Variants in ENG observed in about 807,000 individuals in gnomAD.
The protein encoded by ENG is endoglin, also known as CD105 antigen.
In ENG, 17 loss-of-function variants were observed where a neutral mutation model predicts 71.0. That is an observed-to-expected ratio of 0.24 (90% CI 0.16 to 0.36). ENG has a LOEUF of 0.36. ENG is among the 10% of genes least tolerant of loss of function. ENG has a pLI of 1.00. For synonymous variants in ENG, 360 were observed against 366.9 expected (o/e 0.98, Z 0.21); for missense variants, 749 against 868.3 (o/e 0.86, Z 1.73).
At position 127,816,221 on chromosome 9, in the gene ENG, C is replaced by G. The variant is rs1830311400; in HGVS notation, c.1742-168G>C. On this transcript the variant is annotated intron_variant, in intron 13 of 14. Transcript: ENST00000373203. ...GCAAACGGGCTCATCACAGCCAGGC[C>G]TGGCATTGAGCCATGGTTGCTAGGA... is the stretch of plus-strand genomic sequence containing the variant. 10 of 878,242 alleles carry G rather than the reference C, an allele frequency of 1.1e-5. No individual in the cohort carries two copies. The Admixed American group carries it at 2.1e-4, about 18-fold the overall frequency. 54.4% of individuals were successfully genotyped at this position (878,242 alleles called of 1,614,324 possible). A position where few individuals can be genotyped will look rare whatever the true frequency, so the allele number is the denominator to read the frequency against.
At chr9:127,826,330 C>T (rs939948223) in intron 4 of ENG, among the ~76,000 whole-genome samples, 180 bp downstream of exon 4, 71 of 152,136 alleles carry the variant, frequency 4.7e-4, no homozygotes, top group African/African-American at 1.7e-3. Flanking sequence ...ATGCTTCAAT[C>T]TGATATTTGG....
chr9:127,820,257 G>A (rs1225029001), intron 8 of ENG, among the ~76,000 whole-genome samples: 2 of 151,992 alleles, frequency 1.3e-5, no homozygotes, highest in Non-Finnish European at 1.5e-5. Flanking sequence ...GCAGTGGCTC[G>A]ATCTTGGCTC....
At position 127,827,087 on chromosome 9, in the gene ENG, A is replaced by G. The variant is rs973945410; in HGVS notation, c.361-415T>C. On this transcript the variant is annotated intron_variant, in intron 3 of 14. Coordinates refer to ENST00000373203, the MANE Select transcript of ENG (RefSeq NM_001114753.3). ...AGTGCTTGACACGTAGTACGCACTG[A>G]GAGAGATTTGTCTGACTTTGTGCTG... The G allele has an allele frequency of 4.6e-5, 9 of 196,114 alleles. No individual in the cohort carries two copies. In the East Asian group the frequency reaches 1.1e-3, roughly 25 times the overall value. 12.1% of individuals were successfully genotyped at this position (196,114 alleles called of 1,614,324 possible). A position where few individuals can be genotyped will look rare whatever the true frequency, so the allele number is the denominator to read the frequency against.
At chr9:127,828,527 G>C (rs895916371) in intron 3 of ENG, among the ~76,000 whole-genome samples, 2 of 152,196 alleles carry the variant, frequency 1.3e-5, no homozygotes, top group Non-Finnish European at 2.9e-5. Flanking sequence ...GCTGGCGGGC[G>C]CGTTTCATGT....
chr9:127,824,487 G>A (rs1830553323), intron 7 of ENG, 41 bp from the exon 8 acceptor site: 1 of 1,379,518 alleles, frequency 7.2e-7, no homozygotes, highest in Non-Finnish European at 1.0e-6. Flanking sequence ...TGGTCACTGT[G>A]TGATCACTGT....
intron 2 of ENG, among the ~76,000 whole-genome samples, chr9:127,835,671 C>T (rs918956848): frequency 2.6e-5 from 4 of 152,124 alleles, no homozygotes; most frequent in South Asian, 4.1e-4. Context: ...ACTGCTGCTC[C>T]GCCACTGTCC....
chr9:127,818,619 T>A (rs1830392516), intron 11 of ENG, 97 bp downstream of exon 11: 15 of 1,452,162 alleles, frequency 1.0e-5, no homozygotes, highest in Non-Finnish European at 1.5e-5. Flanking sequence ...CTCCTGACTC[T>A]GGGAGTCTCA....
chr9:127,825,972 G>T, intron 4 of ENG, 112 bp from the exon 5 acceptor site: 1 of 1,391,654 alleles, frequency 7.2e-7, no homozygotes, highest in East Asian at 2.5e-5. Flanking sequence ...CGGTGCTGCA[G>T]AGGGGGAGAG....
At position 127,815,564 on chromosome 9, in the gene ENG, G is replaced by A. The variant is rs566620102; in HGVS notation, c.*118C>T. On this transcript the variant is annotated 3_prime_UTR_variant, in exon 15 of 15. Transcript: ENST00000373203. ...AGAGGGAGGCGGGAAGGGTAGGCGC[G>A]GAGAGCAGGCTCCATTCTGGGTCGA... 6.7e-5 allele frequency: 98 copies of A among 1,462,826 alleles called. No homozygotes were observed. Among genetic ancestry groups the A allele is most frequent in the Admixed American group, 6.1e-4 (26 of 42,626 alleles). The allele number at this position is 1,462,826 out of a possible 1,614,324, so 90.6% of individuals were successfully genotyped here.
intron 2 of ENG, among the ~76,000 whole-genome samples, chr9:127,842,716 G>A (rs1831068167): frequency 6.6e-6 from 1 of 152,098 alleles, no homozygotes; most frequent in Non-Finnish European, 1.5e-5. Context: ...AGCCACTGTG[G>A]CTGGCCCAAG....
At chr9:127,819,197 A>G (rs1830412992) in intron 10 of ENG, 1 of 333,842 alleles carries the variant, frequency 3.0e-6, no homozygotes, top group African/African-American at 2.2e-5. Flanking sequence ...TCGGCCTCCC[A>G]AAGTGCTGCG....
At chr9:127,854,225 T>A in intron 1 of ENG, 64 bp downstream of exon 1, 1 of 1,509,720 alleles carries the variant, frequency 6.6e-7, no homozygotes, top group Non-Finnish European at 9.0e-7. Flanking sequence ...AGGCCGGGAA[T>A]ACTTGGGGCC....
Position 127,846,941 on chromosome 9 carries a change from A to C in ENG, c.68-3696T>G, listed in dbSNP as rs1189023823. 6 of 985,392 alleles carry C rather than the reference A, an allele frequency of 6.1e-6. No homozygotes were observed. Among genetic ancestry groups the C allele is most frequent in the Non-Finnish European group, 7.2e-6 (6 of 830,032 alleles). The allele number at this position is 985,392 out of a possible 1,614,324, so 61.0% of individuals were successfully genotyped here. On this transcript the variant is annotated intron_variant, in intron 1 of 14. Transcript: ENST00000373203. The surrounding 1 kb of genome is among the most constrained non-coding windows in gnomAD (Gnocchi z 5.5). ...AGATTTCCAGAGGGCTACCTTCAGC[A>C]CCTTGGAGGATGATCAAGAAAAACA...
intron 3 of ENG, among the ~76,000 whole-genome samples, chr9:127,829,096 T>G (rs1830697753): frequency 6.6e-6 from 1 of 152,200 alleles, no homozygotes; most frequent in African/African-American, 2.4e-5. Context: ...TTTGGTTGTT[T>G]GTTTTTAATT....
In ENG at chr9:127,852,731, A is replaced by G. The variant is rs139749117; in HGVS notation, c.67+1558T>C. Among the ~76,000 whole-genome samples the G allele has an allele frequency of 1.4e-3, 213 of 152,228 alleles. 1 individual carries two copies. Among genetic ancestry groups the G allele is most frequent in the African/African-American group, 5.0e-3 (206 of 41,550 alleles). On this transcript the variant is annotated intron_variant, in intron 1 of 14. Transcript: ENST00000373203. ...CAGGTGCTACCGGGCACTGATTCCC[A>G]GCTCCAAACTTGGTGAGTTGGTGGC... is the stretch of plus-strand genomic sequence containing the variant.
At chr9:127,825,639 A>AGG in intron 5 of ENG, 56 bp downstream of exon 5, 1 of 1,030,032 alleles carries the variant, frequency 9.7e-7, no homozygotes, top group Non-Finnish European at 1.2e-6. Context: ...GGGGGGGGTC[A>AGG]GGGGGGTGGT....
At position 127,835,345 on chromosome 9, in the gene ENG, G is replaced by A. The variant is rs370394711; in HGVS notation, c.220-5518C>T. Among the ~76,000 whole-genome samples, 46 of 152,252 alleles carry A rather than the reference G, an allele frequency of 3.0e-4. No individual in the cohort carries two copies. The South Asian group carries it at 9.1e-3, about 30-fold the overall frequency. ...TCTAGGCTGGGCGTGGTGCCAGAGC[G>A]GGGCCTGCATTCCCTGGACCATGTC... is the stretch of plus-strand genomic sequence containing the variant. On this transcript the variant is annotated intron_variant, in intron 2 of 14. Transcript: ENST00000373203.
At chr9:127,817,079 G>C in intron 13 of ENG, 70 bp downstream of exon 13, 1 of 1,581,426 alleles carries the variant, frequency 6.3e-7, no homozygotes, top group Non-Finnish European at 8.7e-7. Flanking sequence ...CCGTTTCTCA[G>C]GGCTGCCCGC....
At chr9:127,835,173 ATT>A (rs963518937) in intron 2 of ENG, among the ~76,000 whole-genome samples, 5 of 151,342 alleles carry the variant, frequency 3.3e-5, no homozygotes, top group Non-Finnish European at 7.4e-5. Flanking sequence ...TAATTTTTAT[ATT>A]TTTTGTAGAG....
Sources: gnomAD v4.1 joint callset for allele counts (sites outside exome capture counted in the v4.1 genomes callset) on GRCh38, gnomAD v4.1.1 for gene constraint, Gnocchi (gnomAD v3.1) non-coding constraint, MANE v1.5 for transcripts, NCBI Gene and HGNC (gene_info 2026-07-23, HGNC 2026-07-21) for gene names.